FBXW10B: variants seen among roughly 807,000 people sequenced by gnomAD.
FBXW10B encodes F-box and WD repeat domain containing 10B.
chr17:15,565,702 T>C, the FBXW10B span: 1 of 1,614,178 alleles, frequency 6.2e-7, no homozygotes, highest in South Asian at 1.1e-5. Context: ...CTTGGCTTCC[T>C]GGTGCTCCTT....
At chr17:15,576,114 C>T in the FBXW10B span, among the ~76,000 whole-genome samples, 12 of 152,300 alleles carry the variant, frequency 7.9e-5, no homozygotes, top group East Asian at 2.3e-3. Flanking sequence ...GATGTAGACA[C>T]CGTTCATCTA....
At chr17:15,614,097 C>T in the FBXW10B span, 2 of 1,507,024 alleles carry the variant, frequency 1.3e-6, no homozygotes, top group South Asian at 1.2e-5. Flanking sequence ...AGGCCGAGAA[C>T]AAGTCCCCAC....
the FBXW10B span, among the ~76,000 whole-genome samples, chr17:15,567,079 G>A: frequency 6.6e-6 from 1 of 150,932 alleles, no homozygotes; most frequent in Non-Finnish European, 1.5e-5. Flanking sequence ...AGACCATCCT[G>A]GCTAACACGG....
chr17:15,567,005 C>A, the FBXW10B span, among the ~76,000 whole-genome samples: 1 of 151,766 alleles, frequency 6.6e-6, no homozygotes, highest in Non-Finnish European at 1.5e-5. Flanking sequence ...GGCGCGGTGG[C>A]TCACGCCTGT....
At chr17:15,579,006 A>C in the FBXW10B span, among the ~76,000 whole-genome samples, 1 of 152,112 alleles carries the variant, frequency 6.6e-6, no homozygotes, top group Admixed American at 6.6e-5. Context: ...CCTTGAAAAA[A>C]ATTATTAATA....
the FBXW10B span, among the ~76,000 whole-genome samples, chr17:15,594,284 A>G: frequency 6.6e-6 from 1 of 151,966 alleles, no homozygotes; most frequent in Non-Finnish European, 1.5e-5. Context: ...CATCCTGGCT[A>G]ACACCGTGAA....
chr17:15,601,097 T>C, the FBXW10B span, among the ~76,000 whole-genome samples: 21 of 139,066 alleles, frequency 1.5e-4, no homozygotes, highest in Non-Finnish European at 3.0e-4. Flanking sequence ...TTGCAGTTGA[T>C]AGGATTGTCT....
the FBXW10B span, among the ~76,000 whole-genome samples, chr17:15,578,876 A>G: frequency 1.1e-4 from 16 of 152,144 alleles, no homozygotes; most frequent in Non-Finnish European, 1.5e-5. Flanking sequence ...AGGGAGATTC[A>G]TTTTGGTATT....
the FBXW10B span, among the ~76,000 whole-genome samples, chr17:15,587,740 T>C: frequency 6.6e-5 from 10 of 152,116 alleles, no homozygotes; most frequent in African/African-American, 2.4e-4. Flanking sequence ...TCATCTCACA[T>C]GTGTGCACAT....
the FBXW10B span, among the ~76,000 whole-genome samples, chr17:15,579,331 C>T: frequency 6.6e-6 from 1 of 151,896 alleles, no homozygotes; most frequent in Admixed American, 6.6e-5. Context: ...TCACAATTTC[C>T]TTAAGTTCTG....
chr17:15,603,926 A>T, the FBXW10B span, among the ~76,000 whole-genome samples: 1 of 141,406 alleles, frequency 7.1e-6, no homozygotes, highest in African/African-American at 2.6e-5. Flanking sequence ...ACAAAAAAAA[A>T]AAAAATAGCC....
the FBXW10B span, chr17:15,615,682 T>C: frequency 1.9e-6 from 3 of 1,613,880 alleles, no homozygotes; most frequent in East Asian, 2.2e-5. Context: ...GTTCATTTTC[T>C]GGGGCTTTGG....
the FBXW10B span, chr17:15,571,773 T>A: frequency 1.3e-5 from 2 of 149,432 alleles, no homozygotes; most frequent in African/African-American, 2.4e-5. Context: ...AAATTACGGC[T>A]GAAATACTAC....
At chr17:15,598,459 G>A in the FBXW10B span, 28 of 1,610,768 alleles carry the variant, frequency 1.7e-5, no homozygotes, top group Non-Finnish European at 2.3e-5. Context: ...ATAGAAATGA[G>A]CAAAACAAAG....
chr17:15,606,651 A>G, the FBXW10B span, among the ~76,000 whole-genome samples: 4 of 145,564 alleles, frequency 2.7e-5, no homozygotes, highest in East Asian at 2.0e-4. Context: ...GTGTATATAT[A>G]TATGTGTGTG....
the FBXW10B span, chr17:15,588,742 G>A: frequency 1.4e-4 from 107 of 744,478 alleles, 1 homozygote; most frequent in South Asian, 9.8e-4. Flanking sequence ...CCAGATCAGT[G>A]CTGCCTCTAC....
the FBXW10B span, among the ~76,000 whole-genome samples, chr17:15,574,776 ATCTGT>A: frequency 6.6e-6 from 1 of 151,814 alleles, no homozygotes; most frequent in Admixed American, 6.6e-5. Context: ...AAACCACTGC[ATCTGT>A]TCTCCTTAGG....
the FBXW10B span, among the ~76,000 whole-genome samples, chr17:15,614,799 C>T: frequency 2.6e-5 from 4 of 152,122 alleles, no homozygotes; most frequent in Non-Finnish European, 4.4e-5. Context: ...GTATTTCCTA[C>T]GATATTGTGT....
the FBXW10B span, among the ~76,000 whole-genome samples, chr17:15,590,127 G>A: frequency 0.016 from 2,312 of 148,696 alleles, 82 homozygotes; most frequent in African/African-American, 0.047. Context: ...TGCATCCTTC[G>A]CGGCTGAATT....
Sources: gnomAD v4.1 joint callset for allele counts (sites outside exome capture counted in the v4.1 genomes callset) on GRCh38, gnomAD v4.1.1 for gene constraint, MANE v1.5 for transcripts, NCBI Gene and HGNC (gene_info 2026-07-23, HGNC 2026-07-21) for gene names.